Variants in EML2 observed in about 807,000 individuals in gnomAD.
EML2 encodes EMAP like 2, also known as echinoderm microtubule-associated protein-like 2.
A neutral mutation model predicts 84.7 loss-of-function variants in EML2; 59 were observed. The ratio of observed to expected loss-of-function variants is 0.70; its 90% CI spans 0.56 to 0.86. The LOEUF is 0.86. Among genes scored for constraint, EML2 ranks in the 40% least tolerant of loss-of-function variants. The pLI is 0.00. For synonymous variants in EML2, 352 were observed against 348.9 expected, an observed-to-expected ratio of 1.01 and a Z score of -0.10; for missense variants, 818 against 855.6, an observed-to-expected ratio of 0.96 and a Z score of 0.55.
intron 12 of EML2, among the ~76,000 whole-genome samples, chr19:45,618,054 T>G (rs1971283227): frequency 6.6e-6 from 1 of 152,070 alleles, no homozygotes; most frequent in Admixed American, 6.6e-5. Flanking sequence ...TTTTGTTTTT[T>G]ATTTTTTAAA....
At chr19:45,621,185 G>A (rs748371421) in intron 11 of EML2, 22 bp downstream of exon 11, 14 of 1,611,020 alleles carry the variant, frequency 8.7e-6, no homozygotes, top group Middle Eastern at 3.3e-4. Flanking sequence ...AGAGGGGAGG[G>A]GTGCAGAGGA....
At chr19:45,626,463 C>T (rs1443436747) in intron 8 of EML2, among the ~76,000 whole-genome samples, 3 of 143,442 alleles carry the variant, frequency 2.1e-5, no homozygotes, top group African/African-American at 7.8e-5. Flanking sequence ...GATCACGGCT[C>T]ACTGCAGCCA....
intron 7 of EML2, 42 bp downstream of exon 7, chr19:45,629,909 A>T (rs747627604): frequency 6.7e-7 from 1 of 1,489,568 alleles, no homozygotes; most frequent in East Asian, 2.3e-5. Context: ...GGAAAGTCCC[A>T]CAGTGGCACC....
At chr19:45,639,112 A>T in intron 1 of EML2, 1 of 685,116 alleles carries the variant, frequency 1.5e-6, no homozygotes, top group Non-Finnish European at 2.6e-6. Context: ...AGTGGCAGGG[A>T]CGCGATCCTG....
In EML2 at chr19:45,616,874, G is replaced by A. The variant is rs1001971405; in HGVS notation, c.1323-21C>T. The stretch of plus-strand genomic sequence containing the variant: ...GCCATCTTGAAGGAGAGGGCGTGGT[G>A]GGGGGAGGAGGGGTGAGCTGATCTG... On this transcript the variant is annotated intron_variant, in intron 13 of 18. Coordinates refer to ENST00000245925, the MANE Select transcript of EML2 (RefSeq NM_012155.4). 7 of 1,568,832 alleles carry A rather than the reference G, an allele frequency of 4.5e-6. No homozygotes were observed. In the African/African-American group the frequency reaches 5.4e-5, roughly 12 times the overall value.
At chr19:45,627,859 C>G (rs556946230) in intron 7 of EML2, among the ~76,000 whole-genome samples, 38 of 151,862 alleles carry the variant, frequency 2.5e-4, no homozygotes, top group South Asian at 1.3e-3. Context: ...GTCGGGAGTT[C>G]GAGGCCAGCC....
chr19:45,641,511 G>A (rs1974495344), upstream of EML2: 2 of 903,710 alleles, frequency 2.2e-6, no homozygotes, highest in Middle Eastern at 2.2e-4. Context: ...CCAAGGCTCT[G>A]GCACCGTCCC....
At chr19:45,627,625 C>T (rs531208132) in intron 7 of EML2, among the ~76,000 whole-genome samples, 24 of 152,306 alleles carry the variant, frequency 1.6e-4, no homozygotes, top group African/African-American at 5.5e-4. Context: ...TCATCTTCTT[C>T]ATCATTAACA....
chr19:45,632,972 C>T lies in EML2; in HGVS notation c.400-1G>A. The T allele has an allele frequency of 2.5e-6, 4 of 1,613,644 alleles. No individual in the cohort carries two copies. The highest frequency in any genetic ancestry group is 3.4e-6 in the Non-Finnish European group (4 of 1,179,934). On this transcript the variant is annotated splice_acceptor_variant, in intron 5 of 18. Transcript: ENST00000245925. LOFTEE classifies it high-confidence loss of function. ...AGATGCGCACGTGGGGCGGCAGCGG[C>T]TGCAGGGAAGAGAGGCTTGTTACCT...
Position 45,633,517 on chromosome 19 carries a change from T to A in EML2, c.330-378A>T, listed in dbSNP as rs539251833. On this transcript the variant is annotated intron_variant, in intron 4 of 18. Coordinates refer to ENST00000245925, the MANE Select transcript of EML2 (RefSeq NM_012155.4). ...ACTTTGGGAGGCCGAGGCGGGCGGA[T>A]CACCAGAGGTCAGGAGTTTGACACC... Among the ~76,000 whole-genome samples the A allele has an allele frequency of 3.0e-4, 45 of 151,516 alleles. 1 individual carries two copies. The highest frequency in any genetic ancestry group is 2.5e-3 in the East Asian group (13 of 5,116).
At chr19:45,615,694 T>C (rs1189898564) in intron 16 of EML2, 108 bp downstream of exon 16, 12 of 986,188 alleles carry the variant, frequency 1.2e-5, no homozygotes, top group Non-Finnish European at 1.9e-5. Context: ...GAACCAGCCT[T>C]GAATACCAAG....
chr19:45,618,884 T>G, intron 12 of EML2, 176 bp downstream of exon 12: 1 of 549,454 alleles, frequency 1.8e-6, no homozygotes, highest in Non-Finnish European at 2.8e-6. Flanking sequence ...GAGGCGGAGG[T>G]TGCAGTGAGC....
At chr19:45,645,401 G>A (rs1974961898), upstream of EML2, 5 of 1,489,774 alleles carry the variant, frequency 3.4e-6, no homozygotes, top group Non-Finnish European at 4.4e-6. Context: ...CCCCCAACCA[G>A]GCCCTGCCTC....
Position 45,621,342 on chromosome 19 carries a change from C to T in EML2, c.997-10G>A. ...CAAAGTCCTCAGGGACCTGGGTGGA[C>T]AGATAAGAGGGAAGATGAGTAGGAT... On this transcript the variant is annotated splice_polypyrimidine_tract_variant and intron_variant, in intron 10 of 18. Coordinates refer to ENST00000245925, the MANE Select transcript of EML2 (RefSeq NM_012155.4). 1.3e-6 allele frequency: 2 copies of T among 1,595,804 alleles called. No individual in the cohort carries two copies. Among genetic ancestry groups the T allele is most frequent in the Middle Eastern group, 1.7e-4 (1 of 5,988 alleles).
chr19:45,623,840 C>T (rs948729566), intron 9 of EML2, among the ~76,000 whole-genome samples: 14 of 152,052 alleles, frequency 9.2e-5, no homozygotes, highest in Non-Finnish European at 8.8e-5. Context: ...CGTGAGCCAC[C>T]GCACCCAGCC....
rs749341374 is a variant in EML2, at chr19:45,616,463, A to T, written c.1507T>A (p.Ser503Thr). Residue 503 changes from serine to threonine, a missense_variant and splice_region_variant, in exon 15 of 19, where the codon TCG (serine) becomes ACG (threonine). Ser to Thr is a moderately conservative substitution (Grantham distance 58). Coordinates refer to ENST00000245925, the MANE Select transcript of EML2 (RefSeq NM_012155.4). ...GCTGGGGGCCACTGCCCACTCACCG[A>T]GCACTTGCCCAGGCGGCTGACCTTG... ...GRKVSRLGKC[S>T]GHSSFITHLD... 6.3e-7 allele frequency: 1 copy of T among 1,584,948 alleles called. No individual in the cohort carries two copies. Among genetic ancestry groups the T allele is most frequent in the Non-Finnish European group, 8.6e-7 (1 of 1,159,562 alleles).
chr19:45,623,838 A>C (rs1302210905), intron 9 of EML2, among the ~76,000 whole-genome samples: 2 of 152,164 alleles, frequency 1.3e-5, no homozygotes, highest in African/African-American at 4.8e-5. Flanking sequence ...GGCGTGAGCC[A>C]CCGCACCCAG....
upstream of EML2, among the ~76,000 whole-genome samples, chr19:45,645,104 G>C (rs1228894818): frequency 6.6e-6 from 1 of 152,084 alleles, no homozygotes; most frequent in Non-Finnish European, 1.5e-5. Flanking sequence ...TGGGATCTAG[G>C]TTTTGGGGAC....
intron 18 of EML2, among the ~76,000 whole-genome samples, chr19:45,611,135 C>T (rs1392021844): frequency 8.5e-5 from 13 of 152,180 alleles, no homozygotes; most frequent in Admixed American, 3.9e-4. Flanking sequence ...TGTTGCTGGG[C>T]GTGGTGGCTC....
Sources: gnomAD v4.1 joint callset for allele counts (sites outside exome capture counted in the v4.1 genomes callset) on GRCh38, gnomAD v4.1.1 for gene constraint, MANE v1.5 for transcripts, NCBI Gene and HGNC (gene_info 2026-07-23, HGNC 2026-07-21) for gene names.